Variants in ANKH observed in about 807,000 individuals in gnomAD.
The protein encoded by ANKH is ANKH inorganic pyrophosphate transport regulator, also known as mineralization regulator ANKH.
A neutral mutation model predicts 49.0 loss-of-function variants in ANKH; 15 were observed. That is an observed-to-expected ratio of 0.31 (90% CI 0.20 to 0.47). The LOEUF (loss-of-function observed/expected upper bound fraction) is 0.47, where lower values mean the gene tolerates loss of function less well. ANKH is among the 20% of genes least tolerant of loss of function. ANKH has a pLI of 1.00. For missense variants in ANKH, 429 were observed against 652.0 expected (o/e 0.66, Z 3.72); for synonymous variants, 273 against 260.0 (o/e 1.05, Z -0.48).
rs192817070 is a variant in ANKH, at chr5:14,711,391, G to A, written c.1366-81C>T. On this transcript the variant is annotated intron_variant, in intron 11 of 11. Coordinates refer to ENST00000284268, the MANE Select transcript of ANKH (RefSeq NM_054027.6). ...GAACCACGAGCAGGGAGACAACACCGGGGTCTTGGGGGACCCCTCACTGTA... is the reference window on the plus strand; with the variant it reads ...GAACCACGAGCAGGGAGACAACACCAGGGTCTTGGGGGACCCCTCACTGTA... The A allele has an allele frequency of 1.0e-3, 1,228 of 1,200,610 alleles. 10 individuals are homozygous for A. The African/African-American group carries it at 0.016, about 15-fold the overall frequency. The allele number at this position is 1,200,610 out of a possible 1,614,324, so 74.4% of individuals were successfully genotyped here. A position where few individuals can be genotyped will look rare whatever the true frequency, so the allele number is the denominator to read the frequency against.
intron 2 of ANKH, among the ~76,000 whole-genome samples, chr5:14,759,353 G>A (rs1174572962): frequency 6.6e-6 from 1 of 152,192 alleles, no homozygotes; most frequent in Non-Finnish European, 1.5e-5. Flanking sequence ...AAGGAGAAAG[G>A]TCTCCTAATG....
intron 9 of ANKH, among the ~76,000 whole-genome samples, chr5:14,715,323 G>A (rs1737407640): frequency 6.6e-6 from 1 of 152,206 alleles, no homozygotes; most frequent in Non-Finnish European, 1.5e-5. Flanking sequence ...TAGAGACGGG[G>A]TTTCACCATG....
At chr5:14,729,595 T>A (rs1451959361) in intron 8 of ANKH, among the ~76,000 whole-genome samples, 1 of 151,736 alleles carries the variant, frequency 6.6e-6, no homozygotes, top group East Asian at 1.9e-4. Flanking sequence ...TCCCTGTACC[T>A]CCGCCTCTAC....
intron 8 of ANKH, among the ~76,000 whole-genome samples, chr5:14,717,548 C>T (rs1270800906): frequency 6.6e-6 from 1 of 152,202 alleles, no homozygotes; most frequent in Admixed American, 6.5e-5. Context: ...AGGCAGGGTC[C>T]AGAGCAGGAT....
At chr5:14,869,854 CAA>C (rs1735764336) in intron 1 of ANKH, 1 of 152,212 alleles carries the variant, frequency 6.6e-6, no homozygotes, top group Non-Finnish European at 1.5e-5. Context: ...GGCTTTCTGA[CAA>C]CCTTTGGGGC....
intron 1 of ANKH, among the ~76,000 whole-genome samples, chr5:14,806,260 C>T (rs956990815): frequency 3.9e-5 from 6 of 151,910 alleles, no homozygotes; most frequent in East Asian, 1.9e-4. Flanking sequence ...TCACGACCTG[C>T]ACCACCCTCA....
chr5:14,819,109 C>T (rs1053225866), intron 1 of ANKH, among the ~76,000 whole-genome samples: 1 of 152,168 alleles, frequency 6.6e-6, no homozygotes, highest in African/African-American at 2.4e-5. Flanking sequence ...CCTCGTCTGG[C>T]ATGAATGGCA....
At chr5:14,810,525 AT>A (rs1740847440) in intron 1 of ANKH, among the ~76,000 whole-genome samples, 1 of 152,204 alleles carries the variant, frequency 6.6e-6, no homozygotes, top group Non-Finnish European at 1.5e-5. Flanking sequence ...ACTGATCACA[AT>A]TAACTTTCAG....
intron 1 of ANKH, among the ~76,000 whole-genome samples, chr5:14,831,663 T>C (rs750328969): frequency 2.1e-4 from 32 of 152,140 alleles, no homozygotes; most frequent in Non-Finnish European, 4.0e-4. Flanking sequence ...ATCTTCAATG[T>C]AGTCAGCTTA....
intron 5 of ANKH, among the ~76,000 whole-genome samples, chr5:14,750,078 G>A (rs371610960): frequency 6.6e-6 from 1 of 152,222 alleles, no homozygotes; most frequent in East Asian, 1.9e-4. Flanking sequence ...GGGATAACTA[G>A]ATAGGATTTT....
At chr5:14,781,178 G>A (rs1739794187) in intron 1 of ANKH, among the ~76,000 whole-genome samples, 1 of 152,184 alleles carries the variant, frequency 6.6e-6, no homozygotes, top group Admixed American at 6.5e-5. Flanking sequence ...TTCCAGCCAT[G>A]CTTTATTTTC....
rs1447052737 is a variant in ANKH at position 14,712,961 on chromosome 5, C to CGCACCGT, written c.1271_1277dup (p.Thr427ArgfsTer38). On this transcript the variant is annotated frameshift_variant, in exon 11 of 12. Coordinates refer to ENST00000284268, the MANE Select transcript of ANKH (RefSeq NM_054027.6). LOFTEE classifies it high-confidence loss of function. Reference sequence around the variant, plus strand: ...CCAGGAGGGAGCCCACGCCCAGGGTCGCACCGTGCACCCTGCAGATGAGAA... The same window carrying CGCACCGT: ...CCAGGAGGGAGCCCACGCCCAGGGTCGCACCGTGCACCGTGCACCCTGCAGATGAGAA... The CGCACCGT allele has an allele frequency of 1.2e-6, 2 of 1,613,072 alleles. No individual in the cohort carries two copies.
intron 1 of ANKH, among the ~76,000 whole-genome samples, chr5:14,802,627 C>T (rs191677983): frequency 1.1e-4 from 17 of 152,162 alleles, no homozygotes; most frequent in African/African-American, 3.9e-4. Flanking sequence ...CCCTCACCTC[C>T]TCTTCTCCAT....
intron 1 of ANKH, among the ~76,000 whole-genome samples, chr5:14,856,007 T>C (rs575447048): frequency 3.3e-5 from 5 of 151,566 alleles, no homozygotes; most frequent in Admixed American, 3.3e-4. Context: ...GCAAGAAAAG[T>C]CAGTTAGTCA....
At chr5:14,756,477 G>A (rs1738888724) in intron 3 of ANKH, among the ~76,000 whole-genome samples, 1 of 152,228 alleles carries the variant, frequency 6.6e-6, no homozygotes, top group Admixed American at 6.5e-5. Flanking sequence ...CAGACGAAAA[G>A]CCCGAGGAAC....
At chr5:14,809,704 C>A (rs1461606663) in intron 1 of ANKH, among the ~76,000 whole-genome samples, 1 of 152,188 alleles carries the variant, frequency 6.6e-6, no homozygotes, top group Admixed American at 6.5e-5. Context: ...TGAAAATGTT[C>A]AATTCTCACC....
chr5:14,781,197 C>CAGCTGGATATATAGA, intron 1 of ANKH, among the ~76,000 whole-genome samples: 1 of 152,324 alleles, frequency 6.6e-6, no homozygotes, highest in Non-Finnish European at 1.5e-5. Context: ...TCCCAGGGAT[C>CAGCTGGATATATAGA]TATACAGCTC....
At chr5:14,732,298 C>G (rs1030128528) in intron 8 of ANKH, among the ~76,000 whole-genome samples, 6 of 151,902 alleles carry the variant, frequency 3.9e-5, no homozygotes, top group African/African-American at 1.2e-4. Flanking sequence ...CAGGGGGTGA[C>G]GGGTCAACTA....
chr5:14,831,796 T>C (rs539974590), intron 1 of ANKH, among the ~76,000 whole-genome samples: 18 of 152,346 alleles, frequency 1.2e-4, no homozygotes, highest in Admixed American at 5.2e-4. Flanking sequence ...TTCCTCAACC[T>C]ACATATTCAC....
Sources: allele counts gnomAD v4.1 joint callset (sites outside exome capture counted in the v4.1 genomes callset), GRCh38; gene constraint gnomAD v4.1.1; transcripts MANE v1.5; gene names NCBI Gene and HGNC (gene_info 2026-07-23, HGNC 2026-07-21).